Variants in NISCH observed in about 807,000 individuals in gnomAD.
NISCH encodes the protein I-1 receptor candidate protein.
A neutral mutation model predicts 138.4 loss-of-function variants in NISCH; 55 were observed. The observed-to-expected ratio is 0.40, with a 90% CI of 0.32 to 0.50. The LOEUF is 0.50. Ranked by LOEUF, NISCH falls within the 20% of genes least tolerant of loss-of-function variation. The pLI is 0.71. For synonymous variants in NISCH, 860 were observed against 861.5 expected, an observed-to-expected ratio of 1.00 and a Z score of 0.03; for missense variants, 1,643 against 2,005.5, an observed-to-expected ratio of 0.82 and a Z score of 3.45.
Position 52,491,991 on chromosome 3 carries a change from G to A in NISCH, c.4024G>A (p.Ala1342Thr). The A allele has an allele frequency of 6.2e-7, 1 of 1,613,476 alleles. No homozygotes were observed. Among genetic ancestry groups the A allele is most frequent in the Non-Finnish European group, 8.5e-7 (1 of 1,180,026 alleles). ...VAQKMAEPEK[A>T]PALSILLYVQ... is the part of the protein sequence containing the mutation. ...CCAAAAGATGGCTGAGCCAGAGAAGGCCCCAGCCCTCAGCATCCTGCTGTA... is the reference window on the plus strand; with the variant it reads ...CCAAAAGATGGCTGAGCCAGAGAAGACCCCAGCCCTCAGCATCCTGCTGTA... Residue 1342 changes from alanine (A) to threonine (T), a missense_variant, in exon 21 of 21, where the codon GCC (alanine) becomes ACC (threonine). Ala to Thr is a moderately conservative substitution (Grantham distance 58). Transcript: ENST00000345716.
chr3:52,489,721 C>A, intron 17 of NISCH, 43 bp downstream of exon 17: 1 of 1,583,462 alleles, frequency 6.3e-7, no homozygotes, highest in Non-Finnish European at 8.6e-7. Context: ...ACGGCCAGTC[C>A]TGAGGGCGAG....
chr3:52,490,722 AAC>A lies in NISCH; in HGVS notation c.3634_3635del (p.Thr1212ArgfsTer18). The A allele has an allele frequency of 6.2e-7, 1 of 1,614,134 alleles. No individual in the cohort carries two copies. The highest frequency in any genetic ancestry group is 8.5e-7 in the Non-Finnish European group (1 of 1,180,022). On this transcript the variant is annotated frameshift_variant, in exon 19 of 21. Transcript: ENST00000345716. LOFTEE classifies it high-confidence loss of function. ...TCACACAGATTTCTGGCATCAGAAA[AAC>A]ACCGACTACAACAACAGCCCTTTCC... ...EPLQDFWHQK[N>X]TDYNNSPFHI...
intron 18 of NISCH, 58 bp from the exon 19 acceptor site, chr3:52,490,647 C>T: frequency 6.2e-7 from 1 of 1,611,194 alleles, no homozygotes; most frequent in South Asian, 1.1e-5. Flanking sequence ...TGCTGCACAC[C>T]TAGGAACCTT....
intron 3 of NISCH, among the ~76,000 whole-genome samples, chr3:52,465,123 C>T (rs1237219787): frequency 6.6e-6 from 1 of 152,100 alleles, no homozygotes; most frequent in Non-Finnish European, 1.5e-5. Context: ...ACAATATATT[C>T]CTGTATGGAT....
chr3:52,474,099 A>G (rs1707030491), intron 7 of NISCH, among the ~76,000 whole-genome samples: 1 of 151,986 alleles, frequency 6.6e-6, no homozygotes, highest in Non-Finnish European at 1.5e-5. Flanking sequence ...AAAAAATGTC[A>G]TTGGTGTTTT....
At position 52,488,304 on chromosome 3, in the gene NISCH, C is replaced by A; in HGVS notation, c.2812C>A (p.Arg938Ser). The A allele has an allele frequency of 6.2e-7, 1 of 1,611,428 alleles. No homozygotes were observed. Among genetic ancestry groups the A allele is most frequent in the African/African-American group, 1.3e-5 (1 of 75,064 alleles). Residue 938 changes from arginine to serine, a missense_variant, in exon 16 of 21, where the codon CGC (arginine) becomes AGC (serine). By Grantham distance (110) the Arg-to-Ser change is moderately radical (BLOSUM62 -1). Transcript: ENST00000345716. ...CCGTGGCACCCACAACTGTCGCAAC[C>A]GCAACAGCTTCAAGCTCAGCCGTGT... Reference protein sequence around the residue: ...PNRGTHNCRNRNSFKLSRVPL... With the variant: ...PNRGTHNCRNSNSFKLSRVPL...
chr3:52,476,430 C>G lies in NISCH; in HGVS notation c.766-17C>G. On this transcript the variant is annotated splice_polypyrimidine_tract_variant and intron_variant, in intron 7 of 20. Transcript: ENST00000345716. ...GAGGGCCCGAGTGTGGTGCTCCACA[C>G]AGATGTTTTTATGCAGGAAGTCCTT... 6.2e-7 allele frequency: 1 copy of G among 1,613,850 alleles called. No homozygotes were observed. The highest frequency in any genetic ancestry group is 1.1e-5 in the South Asian group (1 of 91,072).
At position 52,477,145 on chromosome 3, in the gene NISCH, G is replaced by A. The variant is rs376241672; in HGVS notation, c.919-429G>A. Among the ~76,000 whole-genome samples, 4 of 152,210 alleles carry A rather than the reference G, an allele frequency of 2.6e-5. No individual in the cohort carries two copies. In the South Asian group the frequency reaches 8.3e-4, roughly 32 times the overall value. ...GGTAAACTATAACACACTAAATGAT[G>A]ACATTTGCTCCAAAGAGTGGAGCAG... is the stretch of plus-strand genomic sequence containing the variant. On this transcript the variant is annotated intron_variant, in intron 8 of 20. Coordinates refer to ENST00000345716, the MANE Select transcript of NISCH (RefSeq NM_007184.4).
chr3:52,473,795 C>T lies in NISCH; in HGVS notation c.731C>T (p.Thr244Met), dbSNP rs746007763. ...GTCGCATCGAAGCCCACCTTAGCCA[C>T]GCTGAGTGTCCGCTTCTCAGCAACC... ...GLVASKPTLA[T>M]LSVRFSATSM... The change falls in exon 7 of 21, where the codon ACG becomes ATG. Residue 244 changes from threonine (T) to methionine (M), a missense_variant. Thr to Met is a moderately conservative substitution (Grantham distance 81). Coordinates refer to ENST00000345716, the MANE Select transcript of NISCH (RefSeq NM_007184.4). The T allele has an allele frequency of 9.3e-6, 15 of 1,610,008 alleles. No individual in the cohort carries two copies. The highest frequency in any genetic ancestry group is 1.7e-5 in the Admixed American group (1 of 59,952).
In NISCH at chr3:52,487,231, C is replaced by T. The variant is rs1250802902; in HGVS notation, c.1739C>T (p.Pro580Leu). ...EHAEPEVQVV[P>L]GSGQIIFLPF... The stretch of plus-strand genomic sequence containing the variant: ...GCCGAGCCGGAGGTCCAGGTGGTGC[C>T]GGGGTCTGGCCAGATCATCTTCCTG... The change falls in exon 16 of 21, where the codon CCG becomes CTG. Residue 580 changes from proline to leucine, a missense_variant. By Grantham distance (98) the Pro-to-Leu change is moderately conservative. Transcript: ENST00000345716. This position sits in a 1 kb window ranked among gnomAD's most constrained non-coding sequence, Gnocchi z 9.1. 6.2e-6 allele frequency: 10 copies of T among 1,613,952 alleles called. No homozygotes were observed. Among genetic ancestry groups the T allele is most frequent in the Admixed American group, 1.7e-5 (1 of 60,008 alleles).
Position 52,473,841 on chromosome 3 carries a change from C to G in NISCH, c.765+12C>G, listed in dbSNP as rs1044632397. 20 of 1,583,714 alleles carry G rather than the reference C, an allele frequency of 1.3e-5. No homozygotes were observed. The Admixed American group carries it at 1.5e-4, about 12-fold the overall frequency. On this transcript the variant is annotated intron_variant, in intron 7 of 20. Coordinates refer to ENST00000345716, the MANE Select transcript of NISCH (RefSeq NM_007184.4). Reference sequence around the variant, plus strand: ...CAACCTCGATGAAGGTAAGCTTCACCTATATCCTGCCTGGGGCAATGTCTG... The same window carrying G: ...CAACCTCGATGAAGGTAAGCTTCACGTATATCCTGCCTGGGGCAATGTCTG...
In NISCH at chr3:52,487,948, T is replaced by C; in HGVS notation, c.2456T>C (p.Leu819Pro). Residue 819 changes from leucine (L) to proline (P), a missense_variant, in exon 16 of 21, where the codon CTG (leucine) becomes CCG (proline). By Grantham distance (98) the Leu-to-Pro change is moderately conservative. Transcript: ENST00000345716. The surrounding 1 kb of genome is among the most constrained non-coding windows in gnomAD (Gnocchi z 9.1). ...SCFAPQHMAM[L>P]CSPILYGSHT... is the part of the protein sequence containing the mutation. ...TTTGCACCCCAGCACATGGCCATGCTGTGTAGCCCCATCCTCTACGGCAGC... is the reference window on the plus strand; with the variant it reads ...TTTGCACCCCAGCACATGGCCATGCCGTGTAGCCCCATCCTCTACGGCAGC... The C allele has an allele frequency of 6.2e-7, 1 of 1,611,956 alleles. No individual in the cohort carries two copies. Among genetic ancestry groups the C allele is most frequent in the Non-Finnish European group, 8.5e-7 (1 of 1,179,966 alleles).
chr3:52,458,973 C>T (rs1031530898), intron 3 of NISCH, 129 bp downstream of exon 3: 8 of 694,884 alleles, frequency 1.2e-5, no homozygotes, highest in Admixed American at 8.6e-5. Context: ...GATGGAGGAA[C>T]GTCACCCTGG....
rs779216166 is a variant in NISCH at position 52,492,459 on chromosome 3, C to CT, written c.4493dup (p.Pro1499AlafsTer19). Reference sequence around the variant, plus strand: ...GTGGGAGGCCCTGTGTGGCCGTGAGCTGCCTGTCGAGCTCACCGGCTAGCC... The same window carrying CT: ...GTGGGAGGCCCTGTGTGGCCGTGAGCTTGCCTGTCGAGCTCACCGGCTAGCC... On this transcript the variant is annotated frameshift_variant, in exon 21 of 21. Transcript: ENST00000345716. LOFTEE classifies it high-confidence loss of function. The CT allele has an allele frequency of 6.2e-7, 1 of 1,606,250 alleles. No individual in the cohort carries two copies. Among genetic ancestry groups the CT allele is most frequent in the Non-Finnish European group, 8.5e-7 (1 of 1,176,704 alleles).
Position 52,492,715 on chromosome 3 carries a change from C to G in NISCH, c.*233C>G. On this transcript the variant is annotated 3_prime_UTR_variant, in exon 21 of 21. Coordinates refer to ENST00000345716, the MANE Select transcript of NISCH (RefSeq NM_007184.4). ...TGTCAGCCTCCCACAGGTGGTACAG[C>G]CGTGCACACCAGTGTCGTGTCTGCT... is the stretch of plus-strand genomic sequence containing the variant. 1 of 578,756 alleles carries G rather than the reference C, an allele frequency of 1.7e-6. No individual in the cohort carries two copies. The highest frequency in any genetic ancestry group is 3.0e-6 in the Non-Finnish European group (1 of 331,528). The allele number at this position is 578,756 out of a possible 1,614,324, so 35.9% of individuals were successfully genotyped here.
intron 16 of NISCH, 70 bp from the exon 17 acceptor site, chr3:52,489,264 CTG>C (rs1277668543): frequency 3.9e-6 from 6 of 1,538,718 alleles, no homozygotes; most frequent in Non-Finnish European, 5.3e-6. Flanking sequence ...TCTCCTCACT[CTG>C]AAGCTGCACA....
rs763240310 is a variant in NISCH at position 52,487,748 on chromosome 3, C to G, written c.2256C>G (p.His752Gln). ...PHQESRGSSQ[H>Q]ILSSLRFVFC... ...AGGAGTCTCGGGGCAGCAGCCAGCA[C>G]ATCCTCTCCTCCCTGCGCTTTGTCT... Residue 752 changes from histidine (H) to glutamine (Q), a missense_variant, in exon 16 of 21, where the codon CAC becomes CAG. Transcript: ENST00000345716. This position sits in a 1 kb window ranked among gnomAD's most constrained non-coding sequence, Gnocchi z 9.1. 3 of 1,613,798 alleles carry G rather than the reference C, an allele frequency of 1.9e-6. No homozygotes were observed. The highest frequency in any genetic ancestry group is 2.5e-6 in the Non-Finnish European group (3 of 1,180,010).
At chr3:52,479,702 A>G (rs926463967) in intron 11 of NISCH, 47 bp from the exon 12 acceptor site, 25 of 1,309,622 alleles carry the variant, frequency 1.9e-5, no homozygotes, top group Non-Finnish European at 2.5e-5. Context: ...CCATGCTGAT[A>G]GCCATCACCA....
rs557758245 is a variant in NISCH, at chr3:52,490,194, C to T, written c.3576C>T (p.His1192=). ...CCAAGGCTGTGTACTTTGTGCTCCA[C>T]GACGGCCTCCGCCGCTACTTCTCAG... ...LSTKAVYFVL[H]DGLRRYFSEP... The change falls in exon 18 of 21, where the codon CAC becomes CAT. Residue 1192 remains histidine, a synonymous_variant. Coordinates refer to ENST00000345716, the MANE Select transcript of NISCH (RefSeq NM_007184.4). 135 of 1,613,126 alleles carry T rather than the reference C, an allele frequency of 8.4e-5. No individual in the cohort carries two copies. The highest frequency in any genetic ancestry group is 5.7e-4 in the South Asian group (52 of 91,082).
Sources: allele counts gnomAD v4.1 joint callset (sites outside exome capture counted in the v4.1 genomes callset), GRCh38; gene constraint gnomAD v4.1.1; non-coding constraint Gnocchi (gnomAD v3.1); transcripts MANE v1.5; gene names NCBI Gene and HGNC (gene_info 2026-07-23, HGNC 2026-07-21).